Variants in BMPR1A observed in about 807,000 individuals in gnomAD.
The protein encoded by BMPR1A is bone morphogenetic protein receptor type 1A, also known as bone morphogenetic protein receptor type-1A.
A neutral mutation model predicts 66.0 loss-of-function variants in BMPR1A; 7 were observed. That is an observed-to-expected ratio of 0.11 (90% CI 0.06 to 0.20). The LOEUF (loss-of-function observed/expected upper bound fraction) is 0.20. Ranked by LOEUF, BMPR1A falls within the 10% of genes least tolerant of loss-of-function variation. The probability of loss-of-function intolerance (pLI) is 1.00; values close to 1 mark genes in which losing one functional copy is unlikely to be tolerated. For missense variants in BMPR1A, 408 were observed against 669.1 expected, an observed-to-expected ratio of 0.61 and a Z score of 4.31; for synonymous variants, 200 against 229.7, an observed-to-expected ratio of 0.87 and a Z score of 1.17.
At chr10:86,794,003 GAGA>G (rs780315579) in intron 1 of BMPR1A, among the ~76,000 whole-genome samples, 1 of 152,252 alleles carries the variant, frequency 6.6e-6, no homozygotes, top group East Asian at 1.9e-4. Flanking sequence ...CCGTACTTGG[GAGA>G]AGTTCTCTGC....
rs571070994 is a variant in BMPR1A, at chr10:86,867,619, G to C, written c.-152-8248G>C. ...ACTTTTGTTGTTGTTGTTGAATACAGTTAAACAAAAAAGCTTTGGAGAAAC... is the reference window on the plus strand; with the variant it reads ...ACTTTTGTTGTTGTTGTTGAATACACTTAAACAAAAAAGCTTTGGAGAAAC... On this transcript the variant is annotated intron_variant, in intron 2 of 12. Coordinates refer to ENST00000372037, the MANE Select transcript of BMPR1A (RefSeq NM_004329.3). 8.5e-5 allele frequency among the ~76,000 whole-genome samples: 13 copies of C among 152,274 alleles called. No homozygotes were observed. In the South Asian group the frequency reaches 2.7e-3, roughly 32 times the overall value.
At chr10:86,795,483 A>G (rs1019530500) in intron 1 of BMPR1A, among the ~76,000 whole-genome samples, 1 of 151,698 alleles carries the variant, frequency 6.6e-6, no homozygotes, top group Non-Finnish European at 1.5e-5. Context: ...CAAAGATGCC[A>G]TTTTGGGAGG....
At chr10:86,824,858 A>T (rs1842170937) in intron 1 of BMPR1A, among the ~76,000 whole-genome samples, 1 of 152,178 alleles carries the variant, frequency 6.6e-6, no homozygotes, top group South Asian at 2.1e-4. Context: ...TATGAAATGT[A>T]ATTAGTTTTT....
At chr10:86,884,836 G>A (rs199663353) in intron 3 of BMPR1A, among the ~76,000 whole-genome samples, 1 of 152,098 alleles carries the variant, frequency 6.6e-6, no homozygotes, top group South Asian at 2.1e-4. Context: ...AGCATGTGTC[G>A]GAATGTATCA....
At chr10:86,896,165 G>GAAAAAAAAA (rs35504090) in intron 5 of BMPR1A, among the ~76,000 whole-genome samples, 1 of 103,770 alleles carries the variant, frequency 9.6e-6, no homozygotes, top group Non-Finnish European at 2.2e-5. Context: ...AAAAAGAAAA[G>GAAAAAAAAA]AAAAAAAAAA....
chr10:86,921,414 C>G, intron 10 of BMPR1A, 106 bp from the exon 11 acceptor site: 1 of 1,433,302 alleles, frequency 7.0e-7, no homozygotes, highest in Non-Finnish European at 9.7e-7. Flanking sequence ...CACAATGCAT[C>G]TGGCCCCAAG....
rs552105398 is a variant in BMPR1A, at chr10:86,783,611, C to T, written c.-268+26692C>T. 6.6e-5 allele frequency among the ~76,000 whole-genome samples: 10 copies of T among 152,112 alleles called. No homozygotes were observed. The South Asian group carries it at 2.1e-3, about 32-fold the overall frequency. ...TAGTTTTACTTTATTTTTTTAGAAA[C>T]GGGATCTCGTTCTGTCACCCAGGTT... On this transcript the variant is annotated intron_variant, in intron 1 of 12. Transcript: ENST00000372037.
intron 7 of BMPR1A, among the ~76,000 whole-genome samples, chr10:86,907,256 T>C (rs1843409012): frequency 6.6e-6 from 1 of 152,212 alleles, no homozygotes; most frequent in Non-Finnish European, 1.5e-5. Context: ...TTGTACATCA[T>C]GTTAAGAATA....
At chr10:86,858,275 ATTAAT>A (rs1842671629) in intron 2 of BMPR1A, among the ~76,000 whole-genome samples, 1 of 152,190 alleles carries the variant, frequency 6.6e-6, no homozygotes, top group Admixed American at 6.5e-5. Context: ...TAAATTTATA[ATTAAT>A]TTAGGAACAG....
chr10:86,826,411 A>AAC (rs34389289), intron 1 of BMPR1A, among the ~76,000 whole-genome samples: 17,893 of 146,990 alleles, frequency 0.12, 1,656 homozygotes, highest in African/African-American at 0.26. Context: ...CAATCAAGGA[A>AAC]ACACACACAC....
At chr10:86,762,095 G>C (rs1029542417) in intron 1 of BMPR1A, among the ~76,000 whole-genome samples, 4 of 152,166 alleles carry the variant, frequency 2.6e-5, no homozygotes, top group Non-Finnish European at 4.4e-5. Context: ...TTAGCTTAAA[G>C]GAGGGAAAAG....
intron 2 of BMPR1A, among the ~76,000 whole-genome samples, chr10:86,868,609 A>G (rs10788530): frequency 0.54 from 81,490 of 152,062 alleles, 23,753 homozygotes; most frequent in East Asian, 0.78. Flanking sequence ...CCTGGAAAGG[A>G]GAGTTTTCTC....
chr10:86,812,607 C>T (rs773941240), intron 1 of BMPR1A, among the ~76,000 whole-genome samples: 2 of 152,316 alleles, frequency 1.3e-5, no homozygotes, highest in African/African-American at 2.4e-5. Flanking sequence ...AGACAAGATA[C>T]ATGCTTGTTC....
At position 86,882,449 on chromosome 10, in the gene BMPR1A, A is replaced by G. The variant is rs147788244; in HGVS notation, c.67+6364A>G. ...AAAAAATAAAAAGTTTTCTGGAAGA[A>G]TACTTCATTTCAAACATATATATGT... On this transcript the variant is annotated intron_variant, in intron 3 of 12. Coordinates refer to ENST00000372037, the MANE Select transcript of BMPR1A (RefSeq NM_004329.3). Among the ~76,000 whole-genome samples, 22 of 152,176 alleles carry G rather than the reference A, an allele frequency of 1.4e-4. No individual in the cohort carries two copies. In the East Asian group the frequency reaches 4.2e-3, roughly 29 times the overall value.
At chr10:86,865,537 G>A (rs1842774766) in intron 2 of BMPR1A, among the ~76,000 whole-genome samples, 1 of 152,204 alleles carries the variant, frequency 6.6e-6, no homozygotes, top group African/African-American at 2.4e-5. Flanking sequence ...GCACCCAGGT[G>A]ATTAAAAGCT....
At position 86,829,511 on chromosome 10, in the gene BMPR1A, A is replaced by G. The variant is rs1842240187; in HGVS notation, c.-267-9354A>G. 1.3e-5 allele frequency among the ~76,000 whole-genome samples: 2 copies of G among 152,146 alleles called. 1 individual carries two copies. Among genetic ancestry groups the G allele is most frequent in the South Asian group, 4.2e-4 (2 of 4,818 alleles). On this transcript the variant is annotated intron_variant, in intron 1 of 12. Coordinates refer to ENST00000372037, the MANE Select transcript of BMPR1A (RefSeq NM_004329.3). The stretch of plus-strand genomic sequence containing the variant: ...GTTTAGTGCTGTGCTGTTTAAACAT[A>G]TATGTAGTTGATTTGTGAACCACTG...
Position 86,900,799 on chromosome 10 carries a change from T to C in BMPR1A, c.530+673T>C, listed in dbSNP as rs957599360. On this transcript the variant is annotated intron_variant, in intron 7 of 12. Transcript: ENST00000372037. ...TCTAGATAATAGACTTGGAATCTTC[T>C]GTTAGGGAGGTGATGCGAAAGTCAT... Among the ~76,000 whole-genome samples the C allele has an allele frequency of 2.6e-5, 4 of 152,334 alleles. No homozygotes were observed. The South Asian group carries it at 6.2e-4, about 24-fold the overall frequency.
chr10:86,857,786 G>A (rs117319584), intron 2 of BMPR1A, among the ~76,000 whole-genome samples: 6,140 of 149,648 alleles, frequency 0.041, 182 homozygotes, highest in South Asian at 0.078. Context: ...AAGCTGCAGT[G>A]CCTTTTAAGA....
chr10:86,787,960 G>T (rs778613073), intron 1 of BMPR1A, among the ~76,000 whole-genome samples: 3 of 152,026 alleles, frequency 2.0e-5, no homozygotes, highest in Non-Finnish European at 2.9e-5. Context: ...TGAGATTTGG[G>T]TGGGAACACA....
Sources: allele counts gnomAD v4.1 joint callset (sites outside exome capture counted in the v4.1 genomes callset), GRCh38; gene constraint gnomAD v4.1.1; transcripts MANE v1.5; gene names NCBI Gene and HGNC (gene_info 2026-07-23, HGNC 2026-07-21).